Variants in CYLC2 observed in about 807,000 individuals in gnomAD.
The protein encoded by CYLC2 is cylicin-2.
In CYLC2, 30 loss-of-function variants were observed where a neutral mutation model predicts 26.1. That is an observed-to-expected ratio of 1.15 (90% CI 0.86 to 1.56). CYLC2 has a LOEUF of 1.56. CYLC2 is among the 40% of genes most tolerant of loss of function. CYLC2 has a pLI of 0.00. For missense variants in CYLC2, 498 were observed against 394.4 expected, an observed-to-expected ratio of 1.26 and a Z score of -2.23; for synonymous variants, 158 against 132.8, an observed-to-expected ratio of 1.19 and a Z score of -1.31.
chr9:103,011,947 C>CTTTTTTTTTTTTTTTTTTTTTTTT (rs776460013), intron 5 of CYLC2, 35 bp from the exon 6 acceptor site: 1 of 64,078 alleles, frequency 1.6e-5, no homozygotes. Context: ...AGATCATTCT[C>CTTTTTTTTTTTTTTTTTTTTTTTT]TTTTTTTTTT....
intron 2 of CYLC2, among the ~76,000 whole-genome samples, 199 bp downstream of exon 2, chr9:103,001,817 A>C (rs7025523): frequency 0.024 from 3,606 of 152,270 alleles, 161 homozygotes; most frequent in African/African-American, 0.081. Context: ...AGGAAGTTTA[A>C]GTAAACATGC....
chr9:103,007,493 A>C (rs962743212), intron 5 of CYLC2, among the ~76,000 whole-genome samples: 1 of 152,138 alleles, frequency 6.6e-6, no homozygotes, highest in Non-Finnish European at 1.5e-5. Flanking sequence ...CAGAGTAAGA[A>C]TATATACATA....
Position 103,005,313 on chromosome 9 carries a change from A to G in CYLC2, c.682A>G (p.Lys228Glu), listed in dbSNP as rs1829331977. 1 of 1,613,832 alleles carries G rather than the reference A, an allele frequency of 6.2e-7. No homozygotes were observed. The highest frequency in any genetic ancestry group is 8.5e-7 in the Non-Finnish European group (1 of 1,179,934). The change falls in exon 5 of 8, where the codon AAG (lysine) becomes GAG (glutamate). Residue 228 changes from lysine (K) to glutamate (E), a missense_variant. By Grantham distance (56) the Lys-to-Glu change is moderately conservative. Transcript: ENST00000374798. ...AGGTAAAAAGGATTCAAAGAAGGGC[A>G]AGGATTCAGCCATAGAATTACAAGC... is the stretch of plus-strand genomic sequence containing the variant. Reference protein sequence around the residue: ...KKGKKDSKKGKDSAIELQAVK... With the variant: ...KKGKKDSKKGEDSAIELQAVK...
At chr9:103,007,778 G>T (rs1010783055) in intron 5 of CYLC2, among the ~76,000 whole-genome samples, 2 of 152,072 alleles carry the variant, frequency 1.3e-5, no homozygotes, top group Non-Finnish European at 2.9e-5. Context: ...GCAACATAAA[G>T]CTTCTCTTGG....
intron 5 of CYLC2, among the ~76,000 whole-genome samples, chr9:103,007,817 A>C (rs746594598): frequency 6.6e-6 from 1 of 152,148 alleles, no homozygotes; most frequent in Non-Finnish European, 1.5e-5. Flanking sequence ...CCTAGTCTGT[A>C]TGTTCCTAAG....
At chr9:103,015,885 A>G (rs1829499814) in intron 6 of CYLC2, among the ~76,000 whole-genome samples, 1 of 150,286 alleles carries the variant, frequency 6.7e-6, no homozygotes. Context: ...AGATGGAAAG[A>G]CAGAAGCTAA....
At chr9:103,013,212 ATT>A (rs1829431424) in intron 6 of CYLC2, among the ~76,000 whole-genome samples, 1 of 126,330 alleles carries the variant, frequency 7.9e-6, no homozygotes, top group African/African-American at 2.9e-5. Context: ...AATGTTATAT[ATT>A]AATATGTATA....
chr9:103,013,271 T>TTATATATAATGTGTTATATATA (rs1829434087), intron 6 of CYLC2, among the ~76,000 whole-genome samples: 1 of 101,444 alleles, frequency 9.9e-6, no homozygotes, highest in Non-Finnish European at 1.8e-5. Flanking sequence ...GTTATATATA[T>TTATATATAATGTGTTATATATA]TATATATAAC....
intron 1 of CYLC2, among the ~76,000 whole-genome samples, chr9:102,997,506 CAG>C (rs1354632228): frequency 5.9e-5 from 9 of 151,926 alleles, no homozygotes; most frequent in Non-Finnish European, 1.3e-4. Flanking sequence ...TGCCTTTACA[CAG>C]AGACTCCTCT....
At chr9:103,004,197 A>G (rs10990423) in intron 3 of CYLC2, among the ~76,000 whole-genome samples, 60,684 of 151,906 alleles carry the variant, frequency 0.4, 13,135 homozygotes, top group South Asian at 0.53. Flanking sequence ...CTCAATTTAT[A>G]TCTGCCAAGC....
At chr9:102,998,496 T>C (rs1378575558) in intron 1 of CYLC2, among the ~76,000 whole-genome samples, 1 of 151,912 alleles carries the variant, frequency 6.6e-6, no homozygotes. Flanking sequence ...AGGAAAGAGA[T>C]GCTCTCACCA....
chr9:103,004,036 C>A (rs895422253), intron 3 of CYLC2, among the ~76,000 whole-genome samples: 2 of 151,828 alleles, frequency 1.3e-5, no homozygotes, highest in African/African-American at 2.4e-5. Flanking sequence ...TTTATTTTTC[C>A]ATTTTTGTTA....
intron 7 of CYLC2, among the ~76,000 whole-genome samples, chr9:103,017,723 C>T (rs886093911): frequency 6.6e-6 from 1 of 151,992 alleles, no homozygotes; most frequent in African/African-American, 2.4e-5. Context: ...ACTGCCATGA[C>T]AACAAACCAC....
chr9:103,002,361 T>TCC (rs1829297101), intron 2 of CYLC2, among the ~76,000 whole-genome samples: 8 of 18,824 alleles, frequency 4.2e-4, no homozygotes, highest in South Asian at 0.013. Flanking sequence ...TGCCCCCTTT[T>TCC]TTTTTTTTTT....
chr9:102,995,572 C>T (rs1829228925), intron 1 of CYLC2, among the ~76,000 whole-genome samples, 175 bp downstream of exon 1: 1 of 151,890 alleles, frequency 6.6e-6, no homozygotes, highest in African/African-American at 2.4e-5. Flanking sequence ...TGATTTAAGA[C>T]ATAGCTAGTG....
chr9:102,995,469 G>C, intron 1 of CYLC2, 72 bp downstream of exon 1: 1 of 1,144,130 alleles, frequency 8.7e-7, no homozygotes, highest in Non-Finnish European at 1.3e-6. Flanking sequence ...TTAGTATGAA[G>C]AGATATTTAT....
intron 5 of CYLC2, among the ~76,000 whole-genome samples, chr9:103,007,260 G>A (rs1056226741): frequency 2.0e-5 from 3 of 152,064 alleles, no homozygotes; most frequent in African/African-American, 7.2e-5. Context: ...TCTGTCATGA[G>A]GGAGAGGTTA....
intron 1 of CYLC2, among the ~76,000 whole-genome samples, chr9:102,997,266 G>A (rs1288708437): frequency 6.6e-6 from 1 of 151,856 alleles, no homozygotes; most frequent in Non-Finnish European, 1.5e-5. Context: ...ATTTTTAACA[G>A]TATCCCTGGT....
intron 1 of CYLC2, among the ~76,000 whole-genome samples, chr9:102,998,061 A>G (rs2118221428): frequency 6.6e-6 from 1 of 152,044 alleles, no homozygotes; most frequent in Non-Finnish European, 1.5e-5. Context: ...CAGAACATGC[A>G]CAGTTACTGA....
Sources: gnomAD v4.1 joint callset for allele counts (sites outside exome capture counted in the v4.1 genomes callset) on GRCh38, gnomAD v4.1.1 for gene constraint, MANE v1.5 for transcripts, NCBI Gene and HGNC (gene_info 2026-07-23, HGNC 2026-07-21) for gene names.